PPHLN1: variants seen among roughly 807,000 people sequenced by gnomAD.
PPHLN1 encodes periphilin 1.
In PPHLN1, 29 loss-of-function variants were observed where a neutral mutation model predicts 51.3. The ratio of observed to expected loss-of-function variants is 0.57; its 90% CI spans 0.42 to 0.77. The LOEUF is 0.77. PPHLN1 is among the 30% of genes least tolerant of loss of function. The pLI, the probability that PPHLN1 is intolerant of heterozygous loss-of-function variation, is 0.00. For missense variants in PPHLN1, 436 were observed against 438.4 expected (o/e 0.99, Z 0.05); for synonymous variants, 147 against 147.8 (o/e 0.99, Z 0.04).
chr12:42,356,127 C>G lies in PPHLN1; in HGVS notation c.299+905C>G, dbSNP rs57260154. Among the ~76,000 whole-genome samples, 1,390 of 152,210 alleles carry G rather than the reference C, an allele frequency of 9.1e-3. 22 individuals are homozygous for G. Among genetic ancestry groups the G allele is most frequent in the African/African-American group, 0.031 (1,293 of 41,516 alleles). ...GTGGTATCGAAAGTTGTAAAAGGAG[C>G]CTTGTAGAGATTTCTTATGAACTAT... On this transcript the variant is annotated intron_variant, in intron 4 of 9. Coordinates refer to ENST00000358314, the MANE Select transcript of PPHLN1 (RefSeq NM_201439.2).
At chr12:42,446,571 CTTG>C (rs768024578), downstream of PPHLN1, 12 of 1,612,514 alleles carry the variant, frequency 7.4e-6, no homozygotes, top group East Asian at 4.5e-5. Context: ...ATGTTTGTCT[CTTG>C]TTGTTTACTA....
intron 9 of PPHLN1, among the ~76,000 whole-genome samples, chr12:42,428,282 T>C (rs59501472): frequency 0.11 from 16,134 of 152,110 alleles, 1,049 homozygotes; most frequent in African/African-American, 0.17. Context: ...GGAAAAGAAG[T>C]CATTATATGA....
intron 9 of PPHLN1, among the ~76,000 whole-genome samples, chr12:42,413,776 T>C (rs2080110462): frequency 6.6e-6 from 1 of 152,096 alleles, no homozygotes; most frequent in South Asian, 2.1e-4. Flanking sequence ...TTGTCCAGGC[T>C]GGCCTCAAAC....
rs538314550 is a variant in PPHLN1, at chr12:42,404,292, G to A, written c.909+5298G>A. ...GCCTGTAATCCCAGCACTTTGGGGGGCCCAGGCGGGTGGATCACTTGAGGC... is the reference window on the plus strand; with the variant it reads ...GCCTGTAATCCCAGCACTTTGGGGGACCCAGGCGGGTGGATCACTTGAGGC... On this transcript the variant is annotated intron_variant, in intron 9 of 9. Transcript: ENST00000358314. 1.5e-3 allele frequency among the ~76,000 whole-genome samples: 224 copies of A among 152,276 alleles called. 1 individual carries two copies. Among genetic ancestry groups the A allele is most frequent in the Admixed American group, 4.5e-3 (69 of 15,300 alleles).
chr12:42,400,122 T>C (rs1053358294), intron 9 of PPHLN1: 10 of 152,152 alleles, frequency 6.6e-5, no homozygotes, highest in Non-Finnish European at 1.2e-4. Flanking sequence ...TATCTTGTTT[T>C]ATTTACTGCT....
rs150072547 is a variant in PPHLN1 at position 42,336,245 on chromosome 12, T to G, written c.72+271T>G. ...TTTAATTTGTGAACAAAATTACAGA[T>G]TTTATAAAGATTATACCATCAGTTA... On this transcript the variant is annotated intron_variant, in intron 2 of 9. Coordinates refer to ENST00000358314, the MANE Select transcript of PPHLN1 (RefSeq NM_201439.2). Among the ~76,000 whole-genome samples, 499 of 152,352 alleles carry G rather than the reference T, an allele frequency of 3.3e-3. 2 individuals carry two copies. Among genetic ancestry groups the G allele is most frequent in the Non-Finnish European group, 5.9e-3 (401 of 68,024 alleles).
intron 4 of PPHLN1, among the ~76,000 whole-genome samples, chr12:42,364,471 A>C (rs1180144883): frequency 6.6e-6 from 1 of 152,164 alleles, no homozygotes; most frequent in Non-Finnish European, 1.5e-5. Flanking sequence ...TTCTACAAAA[A>C]AAATTAAAAA....
At position 42,406,225 on chromosome 12, in the gene PPHLN1, A is replaced by G. The variant is rs995615902; in HGVS notation, c.909+7231A>G. Among the ~76,000 whole-genome samples the G allele has an allele frequency of 2.2e-4, 34 of 151,866 alleles. 1 individual carries two copies. The highest frequency in any genetic ancestry group is 7.7e-4 in the African/African-American group (32 of 41,354). ...CAGCCTCCCGAGTAGCTGGGACTACAGGCACCCGCCACCATGCCCGGCTAA... is the reference window on the plus strand; with the variant it reads ...CAGCCTCCCGAGTAGCTGGGACTACGGGCACCCGCCACCATGCCCGGCTAA... On this transcript the variant is annotated intron_variant, in intron 9 of 9. Transcript: ENST00000358314.
At chr12:42,358,658 G>A (rs978944925) in intron 4 of PPHLN1, among the ~76,000 whole-genome samples, 1 of 152,188 alleles carries the variant, frequency 6.6e-6, no homozygotes, top group African/African-American at 2.4e-5. Context: ...CTCCTGCCTT[G>A]GTCTCCCAGA....
At chr12:42,343,703 C>G (rs1300683366) in intron 2 of PPHLN1, 1 of 265,298 alleles carries the variant, frequency 3.8e-6, no homozygotes, top group Admixed American at 5.9e-5. Flanking sequence ...AGGTGTTTTA[C>G]TTTCTTTGCT....
downstream of PPHLN1, chr12:42,446,213 C>T: frequency 6.2e-7 from 1 of 1,612,884 alleles, no homozygotes; most frequent in East Asian, 2.2e-5. Flanking sequence ...GAGGATCCTG[C>T]TCCGAACACA....
intron 2 of PPHLN1, chr12:42,350,396 C>T (rs1215171523): frequency 1.2e-5 from 2 of 162,294 alleles, no homozygotes; most frequent in African/African-American, 4.8e-5. Flanking sequence ...CTCCTCACAT[C>T]CCAGACGATG....
At chr12:42,421,519 T>C (rs1249749284) in intron 9 of PPHLN1, among the ~76,000 whole-genome samples, 1 of 152,108 alleles carries the variant, frequency 6.6e-6, no homozygotes, top group Non-Finnish European at 1.5e-5. Context: ...GGCTAATTTT[T>C]GTATTTTTAG....
chr12:42,364,188 T>C (rs145264678), intron 4 of PPHLN1, among the ~76,000 whole-genome samples: 3 of 152,272 alleles, frequency 2.0e-5, no homozygotes, highest in African/African-American at 7.2e-5. Context: ...TGCACCACTG[T>C]ACTCCAGCTT....
chr12:42,436,613 C>A (rs1229221832), intron 9 of PPHLN1, among the ~76,000 whole-genome samples: 1 of 152,172 alleles, frequency 6.6e-6, no homozygotes, highest in African/African-American at 2.4e-5. Flanking sequence ...AATATCCCCC[C>A]CTTATCCTTA....
chr12:42,387,372 C>T (rs1167013544), intron 6 of PPHLN1, 84 bp from the exon 7 acceptor site: 4 of 1,400,516 alleles, frequency 2.9e-6, no homozygotes, highest in Admixed American at 2.2e-5. Flanking sequence ...AGTGTATGAC[C>T]CCCACATTAA....
At chr12:42,350,182 GGGA>G (rs2073075131) in intron 2 of PPHLN1, 1 of 148,712 alleles carries the variant, frequency 6.7e-6, no homozygotes, top group African/African-American at 2.5e-5. Context: ...GGGCGGCTGG[GGGA>G]GGCGCCCCTC....
chr12:42,442,539 A>T, downstream of PPHLN1: 1 of 1,504,262 alleles, frequency 6.6e-7, no homozygotes, highest in East Asian at 2.3e-5. Flanking sequence ...GCTTATCAGG[A>T]CTGCACTCTC....
At chr12:42,354,447 T>G (rs923276719) in intron 3 of PPHLN1, among the ~76,000 whole-genome samples, 2 of 152,110 alleles carry the variant, frequency 1.3e-5, no homozygotes, top group Admixed American at 6.6e-5. Flanking sequence ...TGAACTCAAG[T>G]GATACACCCT....
Sources: allele counts gnomAD v4.1 joint callset (sites outside exome capture counted in the v4.1 genomes callset), GRCh38; gene constraint gnomAD v4.1.1; transcripts MANE v1.5; gene names NCBI Gene and HGNC (gene_info 2026-07-23, HGNC 2026-07-21).